Variants in DPP10 observed in about 807,000 individuals in gnomAD.
The protein encoded by DPP10 is inactive dipeptidyl peptidase 10.
DPP10 carries 33 observed loss-of-function variants against 120.9 expected under a neutral mutation model. The ratio of observed to expected loss-of-function variants is 0.27; its 90% CI spans 0.21 to 0.37. The LOEUF (loss-of-function observed/expected upper bound fraction) is 0.37, where lower values mean the gene tolerates loss of function less well. Ranked by LOEUF, DPP10 falls within the 10% of genes least tolerant of loss-of-function variation. DPP10 has a pLI of 1.00. For synonymous variants in DPP10, 337 were observed against 326.1 expected (o/e 1.03, Z -0.36); for missense variants, 816 against 942.8 (o/e 0.87, Z 1.76).
intron 1 of DPP10, among the ~76,000 whole-genome samples, chr2:115,096,373 A>T (rs1482539951): frequency 6.6e-6 from 1 of 152,168 alleles, no homozygotes; most frequent in East Asian, 1.9e-4. Context: ...ATATGCGTTG[A>T]TATGCGTTCA....
At chr2:114,480,920 A>G (rs1372569138) in intron 1 of DPP10, among the ~76,000 whole-genome samples, 1 of 152,002 alleles carries the variant, frequency 6.6e-6, no homozygotes, top group Non-Finnish European at 1.5e-5. Flanking sequence ...CAGCAAGTGG[A>G]CATCTATAGA....
chr2:115,099,738 G>C (rs1236376054), intron 1 of DPP10, among the ~76,000 whole-genome samples: 2 of 152,140 alleles, frequency 1.3e-5, no homozygotes. Flanking sequence ...TCTCCTGGAG[G>C]ATGGGTCCCC....
chr2:114,972,360 A>G (rs1001379869), intron 1 of DPP10, among the ~76,000 whole-genome samples: 1 of 152,206 alleles, frequency 6.6e-6, no homozygotes, highest in African/African-American at 2.4e-5. Flanking sequence ...TCAGTGGTTT[A>G]TAATTGCACT....
At chr2:115,348,231 AC>A (rs2063808223) in intron 3 of DPP10, among the ~76,000 whole-genome samples, 1 of 152,150 alleles carries the variant, frequency 6.6e-6, no homozygotes, top group East Asian at 1.9e-4. Context: ...GTTGAATACT[AC>A]AATAATATGT....
chr2:115,768,448 T>A, intron 13 of DPP10, 44 bp downstream of exon 13: 1 of 1,565,168 alleles, frequency 6.4e-7, no homozygotes, highest in South Asian at 1.1e-5. Flanking sequence ...ATTGTCCTCA[T>A]GTCCCCGAAG....
intron 1 of DPP10, among the ~76,000 whole-genome samples, chr2:115,241,081 C>T (rs1174316889): frequency 1.3e-5 from 2 of 151,972 alleles, no homozygotes; most frequent in African/African-American, 2.4e-5. Flanking sequence ...CCAGTCTGAC[C>T]AACATGGTAA....
intron 1 of DPP10, among the ~76,000 whole-genome samples, chr2:115,146,553 TAC>T (rs1275190205): frequency 1.3e-5 from 2 of 151,602 alleles, no homozygotes; most frequent in Non-Finnish European, 2.9e-5. Context: ...CTTTTCCTCA[TAC>T]ACTCTACCTT....
intron 3 of DPP10, among the ~76,000 whole-genome samples, chr2:115,389,763 G>A (rs2067201638): frequency 6.6e-6 from 1 of 152,138 alleles, no homozygotes; most frequent in African/African-American, 2.4e-5. Context: ...ACTCACAAAA[G>A]AGTAGTATTC....
intron 5 of DPP10, among the ~76,000 whole-genome samples, chr2:115,575,983 T>A (rs1447085637): frequency 6.6e-6 from 1 of 152,202 alleles, no homozygotes; most frequent in African/African-American, 2.4e-5. Flanking sequence ...TTACCAGTAA[T>A]CTGAATAAAC....
chr2:115,417,104 A>G (rs1056224001), intron 3 of DPP10, among the ~76,000 whole-genome samples: 4 of 152,138 alleles, frequency 2.6e-5, no homozygotes, highest in Non-Finnish European at 4.4e-5. Context: ...TAGACTTTTC[A>G]TGAAGAATGG....
chr2:115,233,466 C>T (rs2057841624), intron 1 of DPP10, among the ~76,000 whole-genome samples: 1 of 152,118 alleles, frequency 6.6e-6, no homozygotes, highest in Admixed American at 6.6e-5. Flanking sequence ...CAGTCTTTCC[C>T]TGGTTCAGAA....
chr2:115,776,258 C>G (rs1968610), intron 13 of DPP10, among the ~76,000 whole-genome samples: 142 of 152,174 alleles, frequency 9.3e-4, no homozygotes, highest in African/African-American at 3.4e-3. Flanking sequence ...CCCATCAACC[C>G]GTCATCTACA....
chr2:115,273,069 A>G (rs917294576), intron 1 of DPP10, among the ~76,000 whole-genome samples: 10 of 152,076 alleles, frequency 6.6e-5, no homozygotes, highest in East Asian at 5.8e-4. Flanking sequence ...TTGGAAATAG[A>G]TAGATGAGAG....
At chr2:115,808,852 GT>G (rs1457023074) in intron 19 of DPP10, among the ~76,000 whole-genome samples, 2 of 152,186 alleles carry the variant, frequency 1.3e-5, no homozygotes, top group Non-Finnish European at 2.9e-5. Context: ...ACATTATCAG[GT>G]AGCCTTCATC....
At chr2:114,831,242 T>C (rs1687092866) in intron 1 of DPP10, among the ~76,000 whole-genome samples, 1 of 152,138 alleles carries the variant, frequency 6.6e-6, no homozygotes, top group Non-Finnish European at 1.5e-5. Context: ...AGAACATAAC[T>C]TTAAAGATAG....
At chr2:115,760,952 C>G (rs1355380456) in intron 11 of DPP10, among the ~76,000 whole-genome samples, 2 of 151,906 alleles carry the variant, frequency 1.3e-5, no homozygotes, top group Non-Finnish European at 2.9e-5. Flanking sequence ...CAAAAATTAG[C>G]CGGGCATGGT....
chr2:115,074,842 C>T (rs752827688), intron 1 of DPP10, among the ~76,000 whole-genome samples: 2 of 152,278 alleles, frequency 1.3e-5, no homozygotes, highest in Non-Finnish European at 2.9e-5. Context: ...GAAAGAGAAG[C>T]TTATATGTGA....
intron 1 of DPP10, among the ~76,000 whole-genome samples, chr2:114,664,638 A>G (rs1182491634): frequency 6.6e-6 from 1 of 151,988 alleles, no homozygotes; most frequent in East Asian, 1.9e-4. Context: ...AAAAAAAAAA[A>G]AAAAAAAAAA....
At chr2:115,348,149 C>A (rs1052832300) in intron 3 of DPP10, among the ~76,000 whole-genome samples, 8 of 152,066 alleles carry the variant, frequency 5.3e-5, no homozygotes, top group Non-Finnish European at 1.2e-4. Flanking sequence ...GTCAGTTCAA[C>A]GTACTCAGCA....
Sources: allele counts gnomAD v4.1 joint callset (sites outside exome capture counted in the v4.1 genomes callset), GRCh38; gene constraint gnomAD v4.1.1; transcripts MANE v1.5; gene names NCBI Gene and HGNC (gene_info 2026-07-23, HGNC 2026-07-21).